The following CASC3 variants were observed in gnomAD, a reference collection of about 807,000 sequenced individuals.
CASC3 encodes the protein protein CASC3.
In CASC3, 30 loss-of-function variants were observed where a neutral mutation model predicts 80.5. The observed-to-expected ratio is 0.37, with a 90% confidence interval of 0.28 to 0.51. The LOEUF is 0.51. Ranked by LOEUF, CASC3 falls within the 20% of genes least tolerant of loss-of-function variation. The pLI is 0.94. For synonymous variants in CASC3, 312 were observed against 333.6 expected (o/e 0.94, Z 0.70); for missense variants, 824 against 922.2 (o/e 0.89, Z 1.38).
chr17:40,169,659 A>G lies in CASC3; in HGVS notation c.*38A>G. On this transcript the variant is annotated 3_prime_UTR_variant, in exon 13 of 14. Transcript: ENST00000264645. ...AATATTTTAAATCTTAACATCATAT[A>G]AAAGTAAGTGCACAACTTACTGTGA... 1 of 1,525,836 alleles carries G rather than the reference A, an allele frequency of 6.6e-7. No homozygotes were observed. 94.5% of individuals were successfully genotyped at this position (1,525,836 alleles called of 1,614,324 possible). A position where few individuals can be genotyped will look rare whatever the true frequency, so the allele number is the denominator to read the frequency against.
chr17:40,159,537 A>G (rs111638687), intron 3 of CASC3, among the ~76,000 whole-genome samples: 11,533 of 134,210 alleles, frequency 0.086, 1,096 homozygotes, highest in African/African-American at 0.24. Context: ...GCATCAGTTC[A>G]TTGTGTGTTT....
rs920594638 is a variant in CASC3 at position 40,140,671 on chromosome 17, A to C, written c.123A>C (p.Gly41=). Residue 41 remains glycine, a synonymous_variant, in exon 1 of 14, where the codon GGA becomes GGC. Transcript: ENST00000264645. Reference sequence around the variant, plus strand: ...GCGGGAGCTGCAGCGGTAGCGCCGGAGGCGGCGGCAGCGGCTCTCTGCCTT... The same window carrying C: ...GCGGGAGCTGCAGCGGTAGCGCCGGCGGCGGCGGCAGCGGCTCTCTGCCTT... ...RGGGSCSGSA[G]GGGSGSLPSQ... The C allele has an allele frequency of 4.4e-6, 7 of 1,602,466 alleles. No individual in the cohort carries two copies. In the East Asian group the frequency reaches 1.4e-4, roughly 31 times the overall value.
rs1988723066 is a variant in CASC3 at position 40,141,731 on chromosome 17, C to A, written c.297+124C>A. 4 of 817,654 alleles carry A rather than the reference C, an allele frequency of 4.9e-6. No individual in the cohort carries two copies. The South Asian group carries it at 6.0e-5, about 12-fold the overall frequency. 50.6% of individuals were successfully genotyped at this position (817,654 alleles called of 1,614,324 possible). ...TCCTCTTGTGTATTCTTCATTTATG[C>A]TTCTGAAAAAGTGTTACAGAAGGTC... On this transcript the variant is annotated intron_variant, in intron 3 of 13. Transcript: ENST00000264645.
At chr17:40,160,597 T>C (rs1240184011) in intron 3 of CASC3, among the ~76,000 whole-genome samples, 1 of 152,196 alleles carries the variant, frequency 6.6e-6, no homozygotes, top group Admixed American at 6.5e-5. Flanking sequence ...CTTCCATTCT[T>C]ATCCTCTGGG....
chr17:40,162,727 C>G lies in CASC3; in HGVS notation c.611C>G (p.Pro204Arg), dbSNP rs779378245. Reference protein sequence around the residue: ...RGQTQEEEVRPKGRQRKLWKD... With the variant: ...RGQTQEEEVRRKGRQRKLWKD... ...CACTTTTCCTTCATTTTATCCAGAC[C>G]CAAGGGGCGTCAGCGAAAGCTATGG... Residue 204 changes from proline (P) to arginine (R), a missense_variant and splice_region_variant, in exon 6 of 14, where the codon CCC becomes CGC. Pro to Arg is a moderately radical substitution (Grantham distance 103). Around this residue, in one of 3 missense-constraint regions of CASC3, gnomAD observed 201 missense variants for 294.1 expected, o/e 0.68. Transcript: ENST00000264645. 3.1e-6 allele frequency: 5 copies of G among 1,613,214 alleles called. No individual in the cohort carries two copies. Among genetic ancestry groups the G allele is most frequent in the Non-Finnish European group, 4.2e-6 (5 of 1,179,824 alleles).
chr17:40,151,652 C>T (rs1252591637), intron 3 of CASC3, among the ~76,000 whole-genome samples: 1 of 149,562 alleles, frequency 6.7e-6, no homozygotes, highest in Admixed American at 6.7e-5. Flanking sequence ...TGTGATCATA[C>T]CACTGCACTC....
intron 8 of CASC3, 103 bp downstream of exon 8, chr17:40,166,964 T>C: frequency 1.2e-6 from 1 of 850,134 alleles, no homozygotes; most frequent in Non-Finnish European, 1.8e-6. Flanking sequence ...CTTTTCTTTC[T>C]TTCTTTTTTT....
intron 3 of CASC3, among the ~76,000 whole-genome samples, chr17:40,150,347 G>A (rs116918937): frequency 6.6e-6 from 1 of 152,154 alleles, no homozygotes; most frequent in East Asian, 1.9e-4. Context: ...ACTCCACCCT[G>A]GGTAACAGTG....
At position 40,170,692 on chromosome 17, in the gene CASC3, G is replaced by C. The variant is rs1989570984; in HGVS notation, c.*287G>C. 1 of 985,478 alleles carries C rather than the reference G, an allele frequency of 1.0e-6. No homozygotes were observed. The highest frequency in any genetic ancestry group is 1.7e-5 in the African/African-American group (1 of 57,246). The allele number at this position is 985,478 out of a possible 1,614,324, so 61.0% of individuals were successfully genotyped here. A position where few individuals can be genotyped will look rare whatever the true frequency, so the allele number is the denominator to read the frequency against. ...AGACAGCCCCAAGCTTCTGAGTCTA[G>C]ATACAGAAGCCCATGTCTTCTGCTG... On this transcript the variant is annotated 3_prime_UTR_variant, in exon 14 of 14. Transcript: ENST00000264645.
intron 5 of CASC3, 140 bp from the exon 6 acceptor site, chr17:40,162,585 T>C (rs1989330159): frequency 1.3e-6 from 1 of 773,334 alleles, no homozygotes; most frequent in African/African-American, 1.8e-5. Context: ...GGAGGCCTGT[T>C]TTTTATAATC....
intron 3 of CASC3, among the ~76,000 whole-genome samples, chr17:40,146,163 T>A (rs1435479336): frequency 6.6e-6 from 1 of 152,162 alleles, no homozygotes; most frequent in Non-Finnish European, 1.5e-5. Context: ...GAAAAGCTAG[T>A]TAAGAAAGCT....
rs1280776180 is a variant in CASC3 at position 40,141,605 on chromosome 17, G to A, written c.295G>A (p.Glu99Lys). 1.9e-6 allele frequency: 3 copies of A among 1,612,860 alleles called. No homozygotes were observed. The highest frequency in any genetic ancestry group is 1.7e-5 in the Admixed American group (1 of 59,988). ...LSDYESAEDSEGEEGEYSEEE... is the reference protein window; with the variant it reads ...LSDYESAEDSKGEEGEYSEEE... ...GGATTATGAAAGTGCAGAAGACTCG[G>A]AAGTGAGTATGACAGGTTTTTTCCT... The change falls in exon 3 of 14, where the codon GAA (glutamate) becomes AAA (lysine). Residue 99 changes from glutamate to lysine, a missense_variant and splice_region_variant. Around this residue, in one of 3 missense-constraint regions of CASC3, gnomAD observed 201 missense variants for 294.1 expected, o/e 0.68. Coordinates refer to ENST00000264645, the MANE Select transcript of CASC3 (RefSeq NM_007359.5).
rs550849666 is a variant in CASC3 at position 40,165,703 on chromosome 17, A to G, written c.1472-1094A>G. ...AGATTGCCCAATAGAACTTTGTGTA[A>G]TGATTGTACTTTTGTGTTTTTGTTG... On this transcript the variant is annotated intron_variant, in intron 7 of 13. Coordinates refer to ENST00000264645, the MANE Select transcript of CASC3 (RefSeq NM_007359.5). 2.6e-5 allele frequency among the ~76,000 whole-genome samples: 4 copies of G among 151,670 alleles called. No individual in the cohort carries two copies. In the East Asian group the frequency reaches 7.7e-4, roughly 29 times the overall value.
Position 40,141,233 on chromosome 17 carries a change from T to C in CASC3, c.258T>C (p.Asp86=), listed in dbSNP as rs1465744355. The C allele has an allele frequency of 3.7e-6, 6 of 1,613,698 alleles. No individual in the cohort carries two copies. The highest frequency in any genetic ancestry group is 5.1e-6 in the Non-Finnish European group (6 of 1,179,572). ...ECESEDGIEG[D]AVLSDYESAE... ...AGAGTGAAGATGGCATTGAAGGTGA[T>C]GGTGAGTAGCATCTTTTACCCCATT... The change falls in exon 2 of 14, where the codon GAT becomes GAC. Residue 86 remains aspartate (D), a splice_region_variant and synonymous_variant. Transcript: ENST00000264645.
intron 3 of CASC3, among the ~76,000 whole-genome samples, chr17:40,143,416 A>G (rs1419616607): frequency 1.3e-5 from 2 of 152,206 alleles, no homozygotes; most frequent in Non-Finnish European, 2.9e-5. Flanking sequence ...ACTGTACTCC[A>G]GCCTGGGCAA....
chr17:40,160,912 A>G (rs1989280062), intron 3 of CASC3, among the ~76,000 whole-genome samples: 1 of 151,846 alleles, frequency 6.6e-6, no homozygotes, highest in African/African-American at 2.4e-5. Context: ...AGGAATACCT[A>G]TGTGGATATA....
At position 40,170,436 on chromosome 17, in the gene CASC3, A is replaced by G. The variant is rs1216740033; in HGVS notation, c.*42-11A>G. The G allele has an allele frequency of 1.5e-5, 15 of 985,444 alleles. No individual in the cohort carries two copies. The highest frequency in any genetic ancestry group is 4.7e-5 in the South Asian group (1 of 21,294). 61.0% of individuals were successfully genotyped at this position (985,444 alleles called of 1,614,324 possible). ...CTTTGGTGGTTCTTCCCTTTTTCCA[A>G]CCCCTGTCAGAGCAGCAGAGGTGAG... On this transcript the variant is annotated splice_polypyrimidine_tract_variant and intron_variant, in intron 13 of 13. Coordinates refer to ENST00000264645, the MANE Select transcript of CASC3 (RefSeq NM_007359.5).
intron 7 of CASC3, 96 bp from the exon 8 acceptor site, chr17:40,166,701 C>T (rs1400922411): frequency 2.7e-6 from 2 of 732,000 alleles, no homozygotes; most frequent in Non-Finnish European, 2.2e-6. Flanking sequence ...AAAAGGCATT[C>T]CTTATGTTGA....
chr17:40,171,730 G>C lies in CASC3; in HGVS notation c.*1325G>C. On this transcript the variant is annotated 3_prime_UTR_variant, in exon 14 of 14. Coordinates refer to ENST00000264645, the MANE Select transcript of CASC3 (RefSeq NM_007359.5). ...GTCTGCCAGGGGTAACCTGGCCACT[G>C]TCCCTGTCCTTCTACAGAACCTGAG... The C allele has an allele frequency of 8.8e-7, 1 of 1,140,454 alleles. No individual in the cohort carries two copies. Among genetic ancestry groups the C allele is most frequent in the South Asian group, 2.0e-5 (1 of 50,132 alleles). The allele number at this position is 1,140,454 out of a possible 1,614,324, so 70.6% of individuals were successfully genotyped here. A position where few individuals can be genotyped will look rare whatever the true frequency, so the allele number is the denominator to read the frequency against.
Sources: gnomAD v4.1 joint callset for allele counts (sites outside exome capture counted in the v4.1 genomes callset) on GRCh38, gnomAD v4.1.1 for gene constraint, gnomAD v4.1.1 regional missense constraint, MANE v1.5 for transcripts, NCBI Gene and HGNC (gene_info 2026-07-23, HGNC 2026-07-21) for gene names.